MEF2A: variants seen among roughly 807,000 people sequenced by gnomAD.
The protein encoded by MEF2A is myocyte enhancer factor 2A.
MEF2A carries 28 observed loss-of-function variants against 55.8 expected under a neutral mutation model. The ratio of observed to expected loss-of-function variants is 0.50; its 90% CI spans 0.37 to 0.69. MEF2A has a LOEUF of 0.69. MEF2A is among the 30% of genes least tolerant of loss of function. The pLI is 0.00. For missense variants in MEF2A, 528 were observed against 626.2 expected (o/e 0.84, Z 1.67); for synonymous variants, 239 against 227.1 (o/e 1.05, Z -0.47).
At chr15:99,668,673 A>G (rs983065642) in intron 4 of MEF2A, among the ~76,000 whole-genome samples, 1 of 152,130 alleles carries the variant, frequency 6.6e-6, no homozygotes, top group African/African-American at 2.4e-5. Flanking sequence ...TGTTTTCCTC[A>G]TTGAGCAAGT....
intron 7 of MEF2A, among the ~76,000 whole-genome samples, chr15:99,687,055 G>C (rs2054379416): frequency 6.8e-6 from 1 of 146,814 alleles, no homozygotes; most frequent in Admixed American, 6.9e-5. Flanking sequence ...GGGACTACAG[G>C]TGCACACCAC....
chr15:99,671,497 T>G, intron 5 of MEF2A, 43 bp downstream of exon 5: 1 of 1,613,918 alleles, frequency 6.2e-7, no homozygotes, highest in Non-Finnish European at 8.5e-7. Flanking sequence ...TTGTTGATCC[T>G]TTTTGTTAAC....
At chr15:99,603,168 A>G (rs1973901939) in intron 2 of MEF2A, among the ~76,000 whole-genome samples, 1 of 152,128 alleles carries the variant, frequency 6.6e-6, no homozygotes, top group Non-Finnish European at 1.5e-5. Flanking sequence ...CATGGAGTTC[A>G]GAGTATTTTA....
At chr15:99,629,914 T>G (rs1475609554) in intron 2 of MEF2A, among the ~76,000 whole-genome samples, 1 of 151,604 alleles carries the variant, frequency 6.6e-6, no homozygotes, top group Non-Finnish European at 1.5e-5. Flanking sequence ...CACTCCAGCC[T>G]GGGTGACAGA....
intron 1 of MEF2A, among the ~76,000 whole-genome samples, chr15:99,575,400 A>G (rs752786007): frequency 4.2e-4 from 64 of 152,234 alleles, no homozygotes; most frequent in Non-Finnish European, 6.9e-4. Flanking sequence ...TAGGATGTCC[A>G]TCAGTTTGGA....
intron 4 of MEF2A, among the ~76,000 whole-genome samples, chr15:99,667,346 G>A (rs1433584463): frequency 5.3e-5 from 8 of 152,030 alleles, no homozygotes; most frequent in Middle Eastern, 3.4e-3. Context: ...TCAGCCTCCC[G>A]AGTAGCTGGG....
At position 99,682,662 on chromosome 15, in the gene MEF2A, C is replaced by G. The variant is rs192736508; in HGVS notation, c.670+7204C>G. 2.2e-3 allele frequency among the ~76,000 whole-genome samples: 342 copies of G among 152,298 alleles called. 4 individuals carry two copies. The highest frequency in any genetic ancestry group is 4.0e-4 in the Non-Finnish European group (27 of 68,024). ...ATCATCCTTTAATCATCATCTGCTA[C>G]TGACTCCTGACTTTACATCAAGAAA... is the stretch of plus-strand genomic sequence containing the variant. On this transcript the variant is annotated intron_variant, in intron 7 of 11. Coordinates refer to ENST00000557942, the MANE Select transcript of MEF2A (RefSeq NM_001319206.4).
intron 7 of MEF2A, among the ~76,000 whole-genome samples, chr15:99,679,388 G>A (rs2052761865): frequency 1.3e-5 from 2 of 152,190 alleles, no homozygotes; most frequent in African/African-American, 2.4e-5. Context: ...TTATACTGCA[G>A]TGAAAATGAA....
chr15:99,671,750 C>CA (rs1480499445), intron 5 of MEF2A: 4 of 1,275,414 alleles, frequency 3.1e-6, no homozygotes, highest in Non-Finnish European at 4.1e-6. Context: ...GTGATGACAA[C>CA]AATAAGTAGA....
At chr15:99,631,892 C>A (rs1323016476) in intron 2 of MEF2A, among the ~76,000 whole-genome samples, 1 of 152,220 alleles carries the variant, frequency 6.6e-6, no homozygotes, top group Non-Finnish European at 1.5e-5. Flanking sequence ...TAATCACACA[C>A]TGGATTTGCA....
intron 1 of MEF2A, among the ~76,000 whole-genome samples, chr15:99,589,777 AAAATGTCCCAAAATAG>A (rs1338869652): frequency 6.6e-5 from 10 of 152,102 alleles, no homozygotes; most frequent in African/African-American, 2.4e-4. Flanking sequence ...AAATGTTTGG[AAAATGTCCCAAAATAG>A]AAATGTCCCC....
chr15:99,694,121 T>TA (rs1160591912), intron 8 of MEF2A, among the ~76,000 whole-genome samples: 1 of 152,228 alleles, frequency 6.6e-6, no homozygotes, highest in Non-Finnish European at 1.5e-5. Flanking sequence ...CATGTCTCTT[T>TA]AGCCTCCTCT....
rs142948793 is a variant in MEF2A at position 99,666,771 on chromosome 15, C to A, written c.259-4552C>A. ...TGGATATGATGTAGGGATTCCTTTT[C>A]CCTAGAAATATTTTTAGGCAGTATG... On this transcript the variant is annotated intron_variant, in intron 4 of 11. Coordinates refer to ENST00000557942, the MANE Select transcript of MEF2A (RefSeq NM_001319206.4). Among the ~76,000 whole-genome samples the A allele has an allele frequency of 6.7e-3, 1,018 of 152,154 alleles. 10 individuals carry two copies. Among genetic ancestry groups the A allele is most frequent in the African/African-American group, 0.023 (969 of 41,530 alleles).
intron 1 of MEF2A, among the ~76,000 whole-genome samples, chr15:99,569,887 A>G (rs1961374279): frequency 6.6e-6 from 1 of 151,966 alleles, no homozygotes; most frequent in South Asian, 2.1e-4. Context: ...CCTTATAATA[A>G]ATGGACCTTG....
intron 10 of MEF2A, among the ~76,000 whole-genome samples, chr15:99,709,983 C>A (rs558092329): frequency 6.6e-6 from 1 of 152,208 alleles, no homozygotes; most frequent in East Asian, 1.9e-4. Flanking sequence ...CCCCCAACCC[C>A]TTGCTTCATT....
intron 1 of MEF2A, among the ~76,000 whole-genome samples, chr15:99,572,013 G>GTTTTTTTTT (rs36027608): frequency 6.2e-5 from 8 of 128,374 alleles, no homozygotes; most frequent in Non-Finnish European, 1.0e-4. Context: ...CTCCATAGAA[G>GTTTTTTTTT]TTTTTTTTTT....
At chr15:99,700,626 C>A (rs977723642) in intron 8 of MEF2A, among the ~76,000 whole-genome samples, 1 of 152,112 alleles carries the variant, frequency 6.6e-6, no homozygotes, top group Non-Finnish European at 1.5e-5. Flanking sequence ...ACTGAACATA[C>A]CTGGTGCTCA....
At chr15:99,663,668 C>T (rs1303483630) in intron 4 of MEF2A, among the ~76,000 whole-genome samples, 1 of 151,840 alleles carries the variant, frequency 6.6e-6, no homozygotes, top group Non-Finnish European at 1.5e-5. Flanking sequence ...AGAGCATAAG[C>T]TAAAAGAAAC....
chr15:99,695,410 A>G (rs2056285023), intron 8 of MEF2A, among the ~76,000 whole-genome samples: 2 of 152,216 alleles, frequency 1.3e-5, no homozygotes, highest in Non-Finnish European at 2.9e-5. Flanking sequence ...AATATAAAAA[A>G]TGCTCTACTA....
Sources: gnomAD v4.1 joint callset for allele counts (sites outside exome capture counted in the v4.1 genomes callset) on GRCh38, gnomAD v4.1.1 for gene constraint, MANE v1.5 for transcripts, NCBI Gene and HGNC (gene_info 2026-07-23, HGNC 2026-07-21) for gene names.